IL22RA2: variants seen among roughly 807,000 people sequenced by gnomAD.
IL22RA2 encodes interleukin-22 receptor subunit alpha-2.
IL22RA2 carries 39 observed loss-of-function variants against 30.7 expected under a neutral mutation model. That is an observed-to-expected ratio of 1.27 (90% CI 0.98 to 1.66). IL22RA2 has a LOEUF of 1.66. IL22RA2 is among the 40% of genes most tolerant of loss of function. IL22RA2 has a pLI of 0.00. For synonymous variants in IL22RA2, 103 were observed against 105.0 expected, an observed-to-expected ratio of 0.98 and a Z score of 0.11; for missense variants, 315 against 312.7, an observed-to-expected ratio of 1.01 and a Z score of -0.05.
chr6:137,147,975 T>C (rs1778214582), intron 5 of IL22RA2, 84 bp from the exon 6 acceptor site: 11 of 1,276,666 alleles, frequency 8.6e-6, no homozygotes, highest in African/African-American at 3.0e-5. Context: ...CAAATCAGCA[T>C]GGTGGGAGGA....
chr6:137,164,919 C>T (rs1478206156), intron 1 of IL22RA2, among the ~76,000 whole-genome samples: 1 of 152,168 alleles, frequency 6.6e-6, no homozygotes, highest in Non-Finnish European at 1.5e-5. Flanking sequence ...AGATCTAATG[C>T]AGTCCATTTT....
At chr6:137,173,103 G>T (rs1332531002) in intron 1 of IL22RA2, among the ~76,000 whole-genome samples, 1 of 152,228 alleles carries the variant, frequency 6.6e-6, no homozygotes, top group African/African-American at 2.4e-5. Flanking sequence ...CAGACACGGT[G>T]GCTCACACCT....
At position 137,161,791 on chromosome 6, in the gene IL22RA2, A is replaced by C. The variant is rs758942779; in HGVS notation, c.-42T>G. ...GTTCAGGCAACCAGTGTTCCTTTTA[A>C]CCAGCTCAGGACCAAAGAGGAAACT... On this transcript the variant is annotated 5_prime_UTR_variant, in exon 2 of 7. Transcript: ENST00000296980. 1.2e-5 allele frequency: 18 copies of C among 1,541,046 alleles called. No homozygotes were observed. The highest frequency in any genetic ancestry group is 1.3e-5 in the Non-Finnish European group (15 of 1,116,384).
chr6:137,161,008 C>G (rs1778510289), intron 2 of IL22RA2, among the ~76,000 whole-genome samples: 1 of 152,232 alleles, frequency 6.6e-6, no homozygotes, highest in Non-Finnish European at 1.5e-5. Context: ...CATTTGTTAA[C>G]TTGCATTCTT....
rs529203378 is a variant in IL22RA2 at position 137,153,166 on chromosome 6, T to C, written c.472+1775A>G. Among the ~76,000 whole-genome samples, 6 of 152,282 alleles carry C rather than the reference T, an allele frequency of 3.9e-5. No individual in the cohort carries two copies. In the South Asian group the frequency reaches 1.0e-3, roughly 26 times the overall value. On this transcript the variant is annotated intron_variant, in intron 5 of 6. Transcript: ENST00000296980. ...TACACCCATAGATGTAGTCAATGCC[T>C]TGTTCATGAGCATAGTACTCCACAA...
chr6:137,166,552 C>T (rs944426769), intron 1 of IL22RA2, among the ~76,000 whole-genome samples: 16 of 152,108 alleles, frequency 1.1e-4, no homozygotes, highest in Admixed American at 1.3e-4. Context: ...GCAATGACAG[C>T]GATAACTAAG....
In IL22RA2 at chr6:137,147,778, C is replaced by T. The variant is rs1178723197; in HGVS notation, c.586G>A (p.Glu196Lys). 4.4e-6 allele frequency: 7 copies of T among 1,605,720 alleles called. No individual in the cohort carries two copies. The East Asian group carries it at 6.7e-5, about 15-fold the overall frequency. ...CGGTATAGTAGTTCATAGTAATCTT[C>T]TATAGATACATTTTTTTCCTTTTGG... ...RYQKEKNVSI[E>K]DYYELLYRVF... Residue 196 changes from glutamate (E) to lysine (K), a missense_variant, in exon 6 of 7, where the codon GAA (glutamate) becomes AAA (lysine). Glu to Lys is a moderately conservative substitution (Grantham distance 56). Coordinates refer to ENST00000296980, the MANE Select transcript of IL22RA2 (RefSeq NM_052962.3).
intron 3 of IL22RA2, 68 bp downstream of exon 3, chr6:137,158,279 C>A: frequency 6.3e-7 from 1 of 1,575,326 alleles, no homozygotes; most frequent in East Asian, 2.2e-5. Context: ...TCCTAACACT[C>A]CATTGCATTC....
At chr6:137,151,338 T>G (rs1193237570) in intron 5 of IL22RA2, among the ~76,000 whole-genome samples, 2 of 152,126 alleles carry the variant, frequency 1.3e-5, no homozygotes, top group Non-Finnish European at 2.9e-5. Context: ...CAAATGGTGC[T>G]GGGACAGCTG....
intron 2 of IL22RA2, 96 bp downstream of exon 2, chr6:137,161,593 T>A: frequency 2.1e-6 from 2 of 972,168 alleles, no homozygotes; most frequent in Non-Finnish European, 1.6e-6. Context: ...GCAGCCTTTA[T>A]AAAGTTCAAA....
intron 1 of IL22RA2, among the ~76,000 whole-genome samples, chr6:137,163,230 C>T (rs1215901504): frequency 6.6e-6 from 1 of 152,228 alleles, no homozygotes; most frequent in African/African-American, 2.4e-5. Context: ...GTAGTTCCCA[C>T]CTTAAGATGT....
intron 4 of IL22RA2, among the ~76,000 whole-genome samples, chr6:137,155,932 A>G (rs1778397134): frequency 6.6e-6 from 1 of 151,992 alleles, no homozygotes; most frequent in South Asian, 2.1e-4. Context: ...GTTTTTCTCC[A>G]CTTCTCATCA....
In IL22RA2 at chr6:137,144,213, C is replaced by T. The variant is rs564093252; in HGVS notation, c.*1411G>A. On this transcript the variant is annotated 3_prime_UTR_variant, in exon 7 of 7. Coordinates refer to ENST00000296980, the MANE Select transcript of IL22RA2 (RefSeq NM_052962.3). Reference sequence around the variant, plus strand: ...GATCAAAGTAAATTTTTTTTTCAGTCTCTGCGTCTATGCTCAAATCAATGT... The same window carrying T: ...GATCAAAGTAAATTTTTTTTTCAGTTTCTGCGTCTATGCTCAAATCAATGT... The T allele has an allele frequency of 6.6e-5, 10 of 152,038 alleles. No homozygotes were observed. Among genetic ancestry groups the T allele is most frequent in the Non-Finnish European group, 1.3e-4 (9 of 67,994 alleles). The allele number at this position is 152,038 out of a possible 1,614,324, so 9.4% of individuals were successfully genotyped here.
intron 1 of IL22RA2, among the ~76,000 whole-genome samples, chr6:137,165,730 A>G (rs1778614094): frequency 6.6e-6 from 1 of 152,208 alleles, no homozygotes. Flanking sequence ...CAGAAATTGC[A>G]AGCACAAATC....
chr6:137,172,396 G>C (rs1778757397), intron 1 of IL22RA2, among the ~76,000 whole-genome samples: 1 of 152,172 alleles, frequency 6.6e-6, no homozygotes, highest in African/African-American at 2.4e-5. Flanking sequence ...TTCTGTCACT[G>C]TTCAATTAGC....
chr6:137,145,772 T>A lies in IL22RA2; in HGVS notation c.644A>T (p.Glu215Val). Residue 215 changes from glutamate (E) to valine (V), a missense_variant and splice_region_variant, in exon 7 of 7, where the codon GAG becomes GTG. Glu to Val is a moderately radical substitution (Grantham distance 121). Coordinates refer to ENST00000296980, the MANE Select transcript of IL22RA2 (RefSeq NM_052962.3). Reference sequence around the variant, plus strand: ...GTGAGCCCCTTCATAAACCTTTTGCTCCTACACACGAGAGAGAAAATAATC... The same window carrying A: ...GTGAGCCCCTTCATAAACCTTTTGCACCTACACACGAGAGAGAAAATAATC... The part of the protein sequence containing the change: ...VFIINNSLEK[E>V]QKVYEGAHRA... The A allele has an allele frequency of 6.2e-7, 1 of 1,613,814 alleles. No individual in the cohort carries two copies. The highest frequency in any genetic ancestry group is 8.5e-7 in the Non-Finnish European group (1 of 1,179,910).
intron 5 of IL22RA2, among the ~76,000 whole-genome samples, chr6:137,152,812 AG>A (rs1282111406): frequency 3.3e-5 from 5 of 152,216 alleles, no homozygotes; most frequent in African/African-American, 9.7e-5. Flanking sequence ...TGAACAAAAT[AG>A]TTGCATGATG....
chr6:137,161,070 A>G (rs1358665286), intron 2 of IL22RA2, among the ~76,000 whole-genome samples: 1 of 152,240 alleles, frequency 6.6e-6, no homozygotes, highest in African/African-American at 2.4e-5. Context: ...ACACTCCTGC[A>G]GTTTCCTCCA....
rs1350205116 is a variant in IL22RA2, at chr6:137,145,000, A to G, written c.*624T>C. ...TAATTCAGATATCAATCCAGAAATC[A>G]TAAGATTTTTTTCCCCAAAACCTGT... On this transcript the variant is annotated 3_prime_UTR_variant, in exon 7 of 7. Transcript: ENST00000296980. 1.3e-5 allele frequency: 2 copies of G among 151,920 alleles called. No individual in the cohort carries two copies. The highest frequency in any genetic ancestry group is 2.1e-4 in the South Asian group (1 of 4,836). 9.4% of individuals were successfully genotyped at this position (151,920 alleles called of 1,614,324 possible).
Sources: gnomAD v4.1 joint callset for allele counts (sites outside exome capture counted in the v4.1 genomes callset) on GRCh38, gnomAD v4.1.1 for gene constraint, MANE v1.5 for transcripts, NCBI Gene and HGNC (gene_info 2026-07-23, HGNC 2026-07-21) for gene names.